The following CDH13 variants were observed in gnomAD, a reference collection of about 807,000 sequenced individuals.
The protein encoded by CDH13 is cadherin-13.
A neutral mutation model predicts 63.8 loss-of-function variants in CDH13; 24 were observed. The ratio of observed to expected loss-of-function variants is 0.38; its 90% CI spans 0.27 to 0.53. CDH13 has a LOEUF of 0.53. Among genes scored for constraint, CDH13 ranks in the 20% least tolerant of loss-of-function variants. The probability of loss-of-function intolerance (pLI) is 0.85; values close to 1 mark genes in which losing one functional copy is unlikely to be tolerated. For missense variants in CDH13, 1,049 were observed against 903.1 expected (o/e 1.16, Z -2.07); for synonymous variants, 503 against 355.3 (o/e 1.42, Z -4.67).
intron 6 of CDH13, among the ~76,000 whole-genome samples, chr16:83,460,168 TA>T (rs1387926452): frequency 6.6e-6 from 1 of 152,234 alleles, no homozygotes; most frequent in Non-Finnish European, 1.5e-5. Context: ...TGGCCATTGC[TA>T]AAATTCCAGT....
rs189761637 is a variant in CDH13 at position 82,831,595 on chromosome 16, C to T, written c.46-26767C>T. ...GACCCCAGCTGTGGACCACACTACCCGAAGAGAACCAACAACCAAATCAAT... is the reference window on the plus strand; with the variant it reads ...GACCCCAGCTGTGGACCACACTACCTGAAGAGAACCAACAACCAAATCAAT... On this transcript the variant is annotated intron_variant, in intron 1 of 13. Transcript: ENST00000567109. Among the ~76,000 whole-genome samples, 46 of 152,146 alleles carry T rather than the reference C, an allele frequency of 3.0e-4. 1 individual carries two copies. In the East Asian group the frequency reaches 7.6e-3, roughly 25 times the overall value.
At chr16:82,658,108 G>A (rs1293156845) in intron 1 of CDH13, among the ~76,000 whole-genome samples, 4 of 152,122 alleles carry the variant, frequency 2.6e-5, no homozygotes, top group Non-Finnish European at 5.9e-5. Flanking sequence ...TTTGTTGAGA[G>A]TTATTATGAG....
chr16:83,057,767 C>T (rs1023375252), intron 3 of CDH13, among the ~76,000 whole-genome samples: 1 of 152,094 alleles, frequency 6.6e-6, no homozygotes, highest in African/African-American at 2.4e-5. Flanking sequence ...ATAAGATCAC[C>T]TCCCACTCCA....
chr16:83,627,407 C>G (rs1832122469), intron 8 of CDH13, among the ~76,000 whole-genome samples: 1 of 152,202 alleles, frequency 6.6e-6, no homozygotes, highest in Admixed American at 6.5e-5. Flanking sequence ...CCTGAGAGGC[C>G]TCTGATCTGA....
At chr16:83,097,924 C>G (rs984198289) in intron 3 of CDH13, among the ~76,000 whole-genome samples, 1 of 151,948 alleles carries the variant, frequency 6.6e-6, no homozygotes, top group African/African-American at 2.4e-5. Flanking sequence ...CACCTAGTAC[C>G]TACTCTGTAC....
At chr16:82,995,383 C>T (rs957520802) in intron 2 of CDH13, among the ~76,000 whole-genome samples, 1 of 152,188 alleles carries the variant, frequency 6.6e-6, no homozygotes, top group African/African-American at 2.4e-5. Flanking sequence ...GATGTTAGCA[C>T]ATTAATCCAT....
chr16:83,258,549 T>C (rs557241726), intron 5 of CDH13, among the ~76,000 whole-genome samples: 2 of 152,332 alleles, frequency 1.3e-5, no homozygotes, highest in East Asian at 3.9e-4. Context: ...CAGTGTTCTG[T>C]CTGATATGTG....
chr16:82,754,807 A>G (rs2034551013), intron 1 of CDH13, among the ~76,000 whole-genome samples: 2 of 152,234 alleles, frequency 1.3e-5, no homozygotes, highest in Non-Finnish European at 2.9e-5. Context: ...CCTTTTATGA[A>G]TAATACAAAA....
intron 1 of CDH13, among the ~76,000 whole-genome samples, chr16:82,731,821 A>C (rs1183540460): frequency 6.6e-6 from 1 of 152,230 alleles, no homozygotes; most frequent in Non-Finnish European, 1.5e-5. Flanking sequence ...AGTGAAATAC[A>C]TAATCAACAT....
At chr16:82,796,862 GTTTC>G (rs2036605427) in intron 1 of CDH13, among the ~76,000 whole-genome samples, 1 of 152,226 alleles carries the variant, frequency 6.6e-6, no homozygotes, top group Non-Finnish European at 1.5e-5. Context: ...GTATTTCAGT[GTTTC>G]TCCAACGGCT....
chr16:83,023,858 A>G (rs1282968894), intron 2 of CDH13, among the ~76,000 whole-genome samples: 2 of 152,234 alleles, frequency 1.3e-5, no homozygotes, highest in African/African-American at 4.8e-5. Context: ...TGTTTTCTCC[A>G]GGAGAAAGAA....
At chr16:83,456,720 G>T (rs575616176) in intron 6 of CDH13, among the ~76,000 whole-genome samples, 1 of 152,292 alleles carries the variant, frequency 6.6e-6, no homozygotes, top group South Asian at 2.1e-4. Context: ...CCAGCACTTT[G>T]GGAGGCCAAG....
chr16:83,258,908 CCT>C (rs1207099025), intron 5 of CDH13, among the ~76,000 whole-genome samples: 2 of 152,182 alleles, frequency 1.3e-5, no homozygotes, highest in African/African-American at 4.8e-5. Flanking sequence ...CACATCACTG[CCT>C]CTCCTTCCAC....
intron 2 of CDH13, among the ~76,000 whole-genome samples, chr16:82,976,635 G>C (rs979529770): frequency 6.6e-6 from 1 of 152,202 alleles, no homozygotes; most frequent in Non-Finnish European, 1.5e-5. Flanking sequence ...ATTGAGACTT[G>C]CTTGCAGATG....
In CDH13 at chr16:83,233,724, T is replaced by G. The variant is rs191820115; in HGVS notation, c.636+16227T>G. 9.6e-3 allele frequency among the ~76,000 whole-genome samples: 1,461 copies of G among 152,340 alleles called. 12 individuals carry two copies. The highest frequency in any genetic ancestry group is 0.014 in the Middle Eastern group (4 of 294). On this transcript the variant is annotated intron_variant, in intron 5 of 13. Transcript: ENST00000567109. ...AGCCCTCTTTCCTTTATAAGGTCCC[T>G]TATGAGTCCATTGGGCCCATCTACA...
chr16:83,263,686 C>T (rs1597617476), intron 5 of CDH13, among the ~76,000 whole-genome samples: 1 of 152,200 alleles, frequency 6.6e-6, no homozygotes, highest in African/African-American at 2.4e-5. Context: ...TGACTGGCTT[C>T]CTCTTTTCTG....
At chr16:83,323,999 C>G (rs994806210) in intron 5 of CDH13, among the ~76,000 whole-genome samples, 3 of 151,826 alleles carry the variant, frequency 2.0e-5, no homozygotes, top group African/African-American at 7.3e-5. Context: ...TAGTATATTC[C>G]CAGTCATGCA....
chr16:82,977,303 C>T (rs1289504595), intron 2 of CDH13, among the ~76,000 whole-genome samples: 4 of 152,110 alleles, frequency 2.6e-5, no homozygotes, highest in Non-Finnish European at 5.9e-5. Context: ...CAGTGAGGGC[C>T]AGGGTATTAA....
chr16:82,853,878 T>C (rs2039587892), intron 1 of CDH13, among the ~76,000 whole-genome samples: 1 of 152,108 alleles, frequency 6.6e-6, no homozygotes, highest in Non-Finnish European at 1.5e-5. Context: ...TACAGAGGAT[T>C]TGGGGAAAAC....
Sources: gnomAD v4.1 joint callset for allele counts (sites outside exome capture counted in the v4.1 genomes callset) on GRCh38, gnomAD v4.1.1 for gene constraint, MANE v1.5 for transcripts, NCBI Gene and HGNC (gene_info 2026-07-23, HGNC 2026-07-21) for gene names.